Variants in GALNT13 observed in about 807,000 individuals in gnomAD.
The protein encoded by GALNT13 is UDP-GalNAc:polypeptide N-acetylgalactosaminyltransferase 13.
GALNT13 carries 28 observed loss-of-function variants against 64.2 expected under a neutral mutation model. The observed-to-expected ratio is 0.44, with a 90% CI of 0.32 to 0.60. GALNT13 has a LOEUF of 0.60. Ranked by LOEUF, GALNT13 falls within the 20% of genes least tolerant of loss-of-function variation. The probability of loss-of-function intolerance (pLI) is 0.05; values close to 1 mark genes in which losing one functional copy is unlikely to be tolerated. For missense variants in GALNT13, 577 were observed against 669.8 expected (o/e 0.86, Z 1.53); for synonymous variants, 214 against 224.6 (o/e 0.95, Z 0.42).
intron 11 of GALNT13, chr2:154,436,329 G>A (rs1391867024): frequency 2.0e-5 from 3 of 152,106 alleles, no homozygotes; most frequent in Non-Finnish European, 4.4e-5. Context: ...AGAAATTGAG[G>A]ATCAAGGGAT....
chr2:153,521,053 A>G, the GALNT13 span, among the ~76,000 whole-genome samples: 1 of 152,146 alleles, frequency 6.6e-6, no homozygotes, highest in Admixed American at 6.5e-5. Flanking sequence ...AAAACATGTT[A>G]TTATTTTACT....
Position 154,161,783 on chromosome 2 carries a change from A to ATTTTTTTT in GALNT13, c.311+21283_311+21290dup, listed in dbSNP as rs199651253. 1.4e-5 allele frequency among the ~76,000 whole-genome samples: 2 copies of ATTTTTTTT among 147,606 alleles called. 1 individual carries two copies. The highest frequency in any genetic ancestry group is 3.0e-5 in the Non-Finnish European group (2 of 66,684). ...TGAGCAACATAACAAAATCAAGTGT[A>ATTTTTTTT]TTTTTTTTTTTTGTTTTCAGACGGT... is the stretch of plus-strand genomic sequence containing the variant. On this transcript the variant is annotated intron_variant, in intron 4 of 12. Transcript: ENST00000392825.
the GALNT13 span, among the ~76,000 whole-genome samples, chr2:153,312,032 G>A: frequency 8.5e-5 from 13 of 152,230 alleles, no homozygotes; most frequent in Admixed American, 3.3e-4. Context: ...ATATTATTCT[G>A]TTACTAAAGA....
intron 2 of GALNT13, among the ~76,000 whole-genome samples, chr2:153,926,994 G>A (rs903691443): frequency 6.6e-6 from 1 of 152,022 alleles, no homozygotes; most frequent in Non-Finnish European, 1.5e-5. Flanking sequence ...CAATCATAGT[G>A]CATTCATAAG....
chr2:153,110,886 AT>A, the GALNT13 span, among the ~76,000 whole-genome samples: 1 of 152,140 alleles, frequency 6.6e-6, no homozygotes, highest in Non-Finnish European at 1.5e-5. Context: ...ATCATTTTTC[AT>A]TCTATTTCCT....
intron 9 of GALNT13, among the ~76,000 whole-genome samples, chr2:154,319,569 G>T (rs113341490): frequency 0.027 from 4,059 of 151,884 alleles, 165 homozygotes; most frequent in African/African-American, 0.086. Flanking sequence ...GGAAGCTGAG[G>T]CAGGAGAATC....
chr2:153,307,782 G>A, the GALNT13 span, among the ~76,000 whole-genome samples: 1 of 151,946 alleles, frequency 6.6e-6, no homozygotes, highest in Non-Finnish European at 1.5e-5. Context: ...ATCAGAACAA[G>A]CTTTACCACT....
chr2:153,663,431 A>T, the GALNT13 span, among the ~76,000 whole-genome samples: 6 of 152,338 alleles, frequency 3.9e-5, no homozygotes, highest in African/African-American at 1.4e-4. Flanking sequence ...ATAAATCACC[A>T]TTTAATTTTG....
the GALNT13 span, among the ~76,000 whole-genome samples, chr2:153,848,978 G>C: frequency 2.0e-5 from 1 of 49,660 alleles, no homozygotes; most frequent in African/African-American, 5.1e-5. Context: ...AAATGACAAG[G>C]ACTTTACAAA....
At chr2:153,621,222 C>T in the GALNT13 span, among the ~76,000 whole-genome samples, 2 of 152,090 alleles carry the variant, frequency 1.3e-5, no homozygotes, top group African/African-American at 2.4e-5. Context: ...TAGTTATCAC[C>T]GTGGAACACT....
the GALNT13 span, among the ~76,000 whole-genome samples, chr2:153,608,606 A>G: frequency 4.0e-5 from 6 of 149,542 alleles, no homozygotes; most frequent in Non-Finnish European, 8.9e-5. Flanking sequence ...CTTATTCATT[A>G]TATATAATAT....
At chr2:153,281,120 C>T in the GALNT13 span, among the ~76,000 whole-genome samples, 1 of 152,220 alleles carries the variant, frequency 6.6e-6, no homozygotes, top group South Asian at 2.1e-4. Flanking sequence ...TTATGTCTTT[C>T]TTTGTCCTTT....
the GALNT13 span, among the ~76,000 whole-genome samples, chr2:153,727,376 A>G: frequency 6.6e-6 from 1 of 152,168 alleles, no homozygotes; most frequent in South Asian, 2.1e-4. Flanking sequence ...GCCACAATTT[A>G]TCCATTCTAC....
the GALNT13 span, among the ~76,000 whole-genome samples, chr2:153,667,611 T>G: frequency 0.5 from 76,362 of 151,912 alleles, 19,575 homozygotes; most frequent in Middle Eastern, 0.65. Flanking sequence ...TTCCTAACAA[T>G]AGGTCCTTAA....
chr2:153,316,612 G>A, the GALNT13 span, among the ~76,000 whole-genome samples: 2 of 134,494 alleles, frequency 1.5e-5, no homozygotes, highest in East Asian at 2.2e-4. Context: ...CTGCACTCCA[G>A]CCAGGCAGCA....
intron 3 of GALNT13, among the ~76,000 whole-genome samples, chr2:154,139,719 G>A (rs1422051772): frequency 6.6e-6 from 1 of 151,788 alleles, no homozygotes; most frequent in Non-Finnish European, 1.5e-5. Context: ...GAGAAGTGGC[G>A]AGAAAATTAG....
the GALNT13 span, chr2:153,478,747 G>A: frequency 1.7e-6 from 1 of 600,972 alleles, no homozygotes; most frequent in Non-Finnish European, 3.0e-6. Flanking sequence ...GACGCGCGCA[G>A]CAGCTAGGCT....
chr2:153,189,179 T>A, the GALNT13 span, among the ~76,000 whole-genome samples: 1 of 152,182 alleles, frequency 6.6e-6, no homozygotes, highest in Admixed American at 6.5e-5. Flanking sequence ...TCATTCTCAC[T>A]TTCTTGGATT....
intron 4 of GALNT13, among the ~76,000 whole-genome samples, chr2:154,197,628 A>C (rs2105771347): frequency 6.6e-6 from 1 of 152,120 alleles, no homozygotes; most frequent in East Asian, 1.9e-4. Context: ...AAAAAAGAAA[A>C]ATTTTTAAAG....
Sources: gnomAD v4.1 joint callset for allele counts (sites outside exome capture counted in the v4.1 genomes callset) on GRCh38, gnomAD v4.1.1 for gene constraint, MANE v1.5 for transcripts, NCBI Gene and HGNC (gene_info 2026-07-23, HGNC 2026-07-21) for gene names.